Variants in SHC4 observed in about 807,000 individuals in gnomAD.
SHC4 encodes SHC adaptor protein 4, also known as SHC-transforming protein 4.
SHC4 carries 41 observed loss-of-function variants against 69.4 expected under a neutral mutation model. That is an observed-to-expected ratio of 0.59 (90% CI 0.46 to 0.77). The LOEUF (loss-of-function observed/expected upper bound fraction) is 0.77, where lower values mean the gene tolerates loss of function less well. Among genes scored for constraint, SHC4 ranks in the 30% least tolerant of loss-of-function variants. SHC4 has a pLI of 0.00. For synonymous variants in SHC4, 318 were observed against 299.3 expected (o/e 1.06, Z -0.64); for missense variants, 777 against 783.8 (o/e 0.99, Z 0.10).
At chr15:48,921,965 T>C (rs762784574) in intron 2 of SHC4, among the ~76,000 whole-genome samples, 1 of 152,214 alleles carries the variant, frequency 6.6e-6, no homozygotes, top group Non-Finnish European at 1.5e-5. Flanking sequence ...AGACTGTTAA[T>C]AGACACCCTC....
chr15:48,941,235 G>A (rs1338149113), intron 1 of SHC4, among the ~76,000 whole-genome samples: 1 of 152,210 alleles, frequency 6.6e-6, no homozygotes, highest in East Asian at 1.9e-4. Context: ...GCTCCATGGA[G>A]GAAGAAGTTG....
At chr15:48,945,468 A>T (rs1298545953) in intron 1 of SHC4, among the ~76,000 whole-genome samples, 1 of 152,220 alleles carries the variant, frequency 6.6e-6, no homozygotes, top group South Asian at 2.1e-4. Flanking sequence ...AGACAACCCG[A>T]AGGTCCAGTA....
chr15:48,842,509 C>A (rs1899009890), intron 10 of SHC4, among the ~76,000 whole-genome samples: 1 of 152,170 alleles, frequency 6.6e-6, no homozygotes, highest in Non-Finnish European at 1.5e-5. Flanking sequence ...CTCCACAAAG[C>A]TCTAATCGAT....
chr15:48,829,773 G>C (rs1898761716), intron 11 of SHC4, among the ~76,000 whole-genome samples: 2 of 152,182 alleles, frequency 1.3e-5, no homozygotes, highest in South Asian at 4.1e-4. Flanking sequence ...ATATAAATTA[G>C]CTGGGCATGG....
chr15:48,857,673 T>C lies in SHC4; in HGVS notation c.1070+19A>G. 6.3e-7 allele frequency: 1 copy of C among 1,581,524 alleles called. No individual in the cohort carries two copies. The highest frequency in any genetic ancestry group is 1.7e-4 in the Middle Eastern group (1 of 5,904). On this transcript the variant is annotated intron_variant, in intron 7 of 11. Coordinates refer to ENST00000332408, the MANE Select transcript of SHC4 (RefSeq NM_203349.4). ...ACATATATATATATTGTCAAATTAT[T>C]ATAAAACTCTTGGCTGACCTTTCAC... is the stretch of plus-strand genomic sequence containing the variant.
At chr15:48,875,731 T>A (rs1331327446) in intron 4 of SHC4, among the ~76,000 whole-genome samples, 1 of 152,228 alleles carries the variant, frequency 6.6e-6, no homozygotes, top group Non-Finnish European at 1.5e-5. Context: ...TGCATCGGTA[T>A]ATGCATGGGT....
intron 2 of SHC4, among the ~76,000 whole-genome samples, chr15:48,897,131 C>G (rs1221139190): frequency 6.6e-6 from 1 of 152,148 alleles, no homozygotes; most frequent in Non-Finnish European, 1.5e-5. Flanking sequence ...AGTGTCTGCT[C>G]TTAGAGGAGC....
intron 1 of SHC4, among the ~76,000 whole-genome samples, chr15:48,953,370 A>T (rs537518792): frequency 6.6e-6 from 1 of 152,260 alleles, no homozygotes; most frequent in South Asian, 2.1e-4. Context: ...CCCCCATGAC[A>T]CAAGTTTACC....
At position 48,834,790 on chromosome 15, in the gene SHC4, G is replaced by A. The variant is rs1468975441; in HGVS notation, c.1716C>T (p.Leu572=). The change falls in exon 11 of 12, where the codon CTC becomes CTT. Residue 572 remains leucine (L), a synonymous_variant. Transcript: ENST00000332408. ...GLQGGQAKHL[L]LVDPEGKVRT... is the part of the protein sequence containing the mutation. ...ATACCTTGCCTTCAGGATCCACCAG[G>A]AGAAGATGTTTTGCTTGGCCTCCCT... 10 of 1,614,088 alleles carry A rather than the reference G, an allele frequency of 6.2e-6. No individual in the cohort carries two copies. The highest frequency in any genetic ancestry group is 1.7e-5 in the Admixed American group (1 of 60,024).
chr15:48,884,173 T>TAA, intron 4 of SHC4, 75 bp downstream of exon 4: 1 of 1,461,992 alleles, frequency 6.8e-7, no homozygotes, highest in South Asian at 1.5e-5. Flanking sequence ...GTCTAAAACT[T>TAA]TATTCTTTTC....
intron 4 of SHC4, chr15:48,877,631 C>T: frequency 3.4e-6 from 3 of 875,880 alleles, no homozygotes; most frequent in Non-Finnish European, 2.7e-6. Flanking sequence ...TATTTCTTCA[C>T]TATAACTAAA....
Position 48,953,521 on chromosome 15 carries a change from C to A in SHC4, c.585+8910G>T, listed in dbSNP as rs771241010. On this transcript the variant is annotated intron_variant, in intron 1 of 11. Transcript: ENST00000332408. Reference sequence around the variant, plus strand: ...GCTACTTATAAGCATCAAGGCCAGACAATGGGCCTCTCTTGGTGTCAGTTT... The same window carrying A: ...GCTACTTATAAGCATCAAGGCCAGAAAATGGGCCTCTCTTGGTGTCAGTTT... 2.9e-4 allele frequency among the ~76,000 whole-genome samples: 44 copies of A among 152,258 alleles called. 1 individual carries two copies. Among genetic ancestry groups the A allele is most frequent in the Admixed American group, 2.4e-3 (37 of 15,290 alleles).
chr15:48,948,896 A>G lies in SHC4; in HGVS notation c.585+13535T>C, dbSNP rs374251962. On this transcript the variant is annotated intron_variant, in intron 1 of 11. Coordinates refer to ENST00000332408, the MANE Select transcript of SHC4 (RefSeq NM_203349.4). ...ATCCCACCCTGGGTGACAGAGCGAG[A>G]CCTTGTCTCAAAAAAGAAAAATCAC... Among the ~76,000 whole-genome samples, 28 of 152,144 alleles carry G rather than the reference A, an allele frequency of 1.8e-4. 1 individual carries two copies. The highest frequency in any genetic ancestry group is 1.4e-3 in the Admixed American group (22 of 15,292).
chr15:48,864,690 G>A (rs1016637599), intron 6 of SHC4, among the ~76,000 whole-genome samples: 13 of 151,818 alleles, frequency 8.6e-5, no homozygotes, highest in African/African-American at 2.9e-4. Flanking sequence ...CTCATGATCT[G>A]CCCGCCTCGG....
intron 1 of SHC4, among the ~76,000 whole-genome samples, chr15:48,930,787 G>A (rs1384410057): frequency 6.6e-6 from 1 of 152,174 alleles, no homozygotes; most frequent in Non-Finnish European, 1.5e-5. Context: ...GGATATTTCT[G>A]CCACCTTTAA....
chr15:48,889,566 C>T (rs957018816), intron 3 of SHC4, among the ~76,000 whole-genome samples: 1 of 152,178 alleles, frequency 6.6e-6, no homozygotes, highest in Admixed American at 6.5e-5. Context: ...CCTTCTCCGC[C>T]GGGTGCGGTG....
intron 4 of SHC4, chr15:48,878,194 G>C (rs1463034071): frequency 6.4e-7 from 1 of 1,562,532 alleles, no homozygotes; most frequent in East Asian, 2.3e-5. Flanking sequence ...AAATGGCTGA[G>C]TTGTCCGAGC....
chr15:48,867,044 C>T (rs924161229), intron 6 of SHC4, among the ~76,000 whole-genome samples: 8 of 152,130 alleles, frequency 5.3e-5, no homozygotes, highest in African/African-American at 1.9e-4. Context: ...ATGGTGAGTG[C>T]TAGGGAACAA....
At chr15:48,826,292 C>T (rs1378136525) in intron 11 of SHC4, among the ~76,000 whole-genome samples, 166 bp from the exon 12 acceptor site, 4 of 149,916 alleles carry the variant, frequency 2.7e-5, no homozygotes, top group Admixed American at 6.6e-5. Context: ...CACTCTGTGG[C>T]CCAGGTTAGA....
Sources: gnomAD v4.1 joint callset for allele counts (sites outside exome capture counted in the v4.1 genomes callset) on GRCh38, gnomAD v4.1.1 for gene constraint, MANE v1.5 for transcripts, NCBI Gene and HGNC (gene_info 2026-07-23, HGNC 2026-07-21) for gene names.